TNIK: variants seen among roughly 807,000 people sequenced by gnomAD.
The protein encoded by TNIK is TRAF2 and NCK interacting kinase.
A neutral mutation model predicts 191.3 loss-of-function variants in TNIK; 49 were observed. That is an observed-to-expected ratio of 0.26 (90% confidence interval 0.20 to 0.32). TNIK has a LOEUF of 0.32. TNIK is among the 10% of genes least tolerant of loss of function. The probability of loss-of-function intolerance (pLI) is 1.00; values close to 1 mark genes in which losing one functional copy is unlikely to be tolerated. For synonymous variants in TNIK, 594 were observed against 600.9 expected, an observed-to-expected ratio of 0.99 and a Z score of 0.17; for missense variants, 1,155 against 1,702.3, an observed-to-expected ratio of 0.68 and a Z score of 5.66.
intron 1 of TNIK, among the ~76,000 whole-genome samples, chr3:171,402,813 T>A (rs184328884): frequency 6.6e-6 from 1 of 152,340 alleles, no homozygotes; most frequent in East Asian, 1.9e-4. Context: ...TCAAATAAAT[T>A]AATGTTCCCA....
intron 12 of TNIK, among the ~76,000 whole-genome samples, chr3:171,143,221 C>T (rs1448006648): frequency 6.6e-6 from 1 of 152,198 alleles, no homozygotes; most frequent in Non-Finnish European, 1.5e-5. Context: ...TCTGAGGGCA[C>T]CCTGCCAATT....
chr3:171,175,190 C>G, intron 9 of TNIK, 62 bp downstream of exon 9: 1 of 1,510,350 alleles, frequency 6.6e-7, no homozygotes, highest in Non-Finnish European at 9.1e-7. Flanking sequence ...AGAGCTAATC[C>G]AAAATAGAAT....
At chr3:171,232,386 C>A (rs1423322207) in intron 2 of TNIK, among the ~76,000 whole-genome samples, 1 of 150,296 alleles carries the variant, frequency 6.7e-6, no homozygotes, top group Non-Finnish European at 1.5e-5. Flanking sequence ...AAATTAAATT[C>A]TGAAAAGAAA....
At chr3:171,094,019 T>C in intron 22 of TNIK, 51 bp from the exon 23 acceptor site, 3 of 1,589,244 alleles carry the variant, frequency 1.9e-6, no homozygotes, top group Non-Finnish European at 1.7e-6. Context: ...AGGAAATATC[T>C]GTTTCCTGTC....
At chr3:171,190,588 G>T in intron 6 of TNIK, 109 bp downstream of exon 6, 3 of 787,016 alleles carry the variant, frequency 3.8e-6, no homozygotes, top group South Asian at 2.3e-5. Context: ...CATTTTTAGG[G>T]CAATGCTCTC....
intron 1 of TNIK, among the ~76,000 whole-genome samples, chr3:171,414,667 C>T (rs1722829976): frequency 1.3e-5 from 2 of 152,174 alleles, no homozygotes; most frequent in Non-Finnish European, 2.9e-5. Flanking sequence ...CTTCAGTGTT[C>T]ATTTTATGGC....
intron 27 of TNIK, among the ~76,000 whole-genome samples, chr3:171,080,263 T>C (rs1720500729): frequency 1.3e-5 from 2 of 152,322 alleles, no homozygotes; most frequent in South Asian, 2.1e-4. Flanking sequence ...TTAGACAATA[T>C]TGAAGAGTAC....
chr3:171,074,627 C>A (rs548263785), intron 28 of TNIK, among the ~76,000 whole-genome samples: 110 of 152,086 alleles, frequency 7.2e-4, no homozygotes, highest in Admixed American at 1.1e-3. Flanking sequence ...AAAATAAAAA[C>A]TTATCTAAGC....
chr3:171,159,356 G>C lies in TNIK; in HGVS notation c.1017-1692C>G, dbSNP rs1733668498. ...ATGAGGAATGCTGAGGGAGGAGCAA[G>C]TTTCGTGGCAGTTAACAAGAGGACC... On this transcript the variant is annotated intron_variant, in intron 11 of 32. Transcript: ENST00000436636. The surrounding 1 kb of genome is among the most constrained non-coding windows in gnomAD (Gnocchi z 4.1). Among the ~76,000 whole-genome samples, 1 of 152,004 alleles carries C rather than the reference G, an allele frequency of 6.6e-6. No individual in the cohort carries two copies. The highest frequency in any genetic ancestry group is 1.5e-5 in the Non-Finnish European group (1 of 68,002).
chr3:171,225,189 C>T (rs12630500), intron 3 of TNIK, among the ~76,000 whole-genome samples: 46,015 of 152,026 alleles, frequency 0.3, 7,128 homozygotes, highest in Middle Eastern at 0.43. Flanking sequence ...TTCTGTAATA[C>T]ACAATAGACA....
chr3:171,358,391 T>C (rs2011717), intron 2 of TNIK, among the ~76,000 whole-genome samples: 114,914 of 152,104 alleles, frequency 0.76, 44,412 homozygotes, highest in East Asian at 0.98. Context: ...CAGACAAGAA[T>C]GCTTGTGTAG....
At chr3:171,126,584 G>C (rs942446990) in intron 16 of TNIK, among the ~76,000 whole-genome samples, 16 of 152,278 alleles carry the variant, frequency 1.1e-4, no homozygotes, top group Admixed American at 9.8e-4. Context: ...AACTCACTGA[G>C]TCCATCCTGA....
At chr3:171,426,961 C>T (rs932217296) in intron 1 of TNIK, among the ~76,000 whole-genome samples, 3 of 152,124 alleles carry the variant, frequency 2.0e-5, no homozygotes, top group Non-Finnish European at 4.4e-5. Context: ...GTAAGATCGT[C>T]CAAGATAAGT....
At chr3:171,112,803 T>C (rs1166412916) in intron 18 of TNIK, among the ~76,000 whole-genome samples, 4 of 152,196 alleles carry the variant, frequency 2.6e-5, no homozygotes, top group African/African-American at 9.7e-5. Context: ...TCATTAATTG[T>C]CTATTATATA....
chr3:171,422,872 C>A (rs1042220640), intron 1 of TNIK, among the ~76,000 whole-genome samples: 1 of 152,230 alleles, frequency 6.6e-6, no homozygotes, highest in Admixed American at 6.5e-5. Context: ...GGATCTTCAT[C>A]TGCACAAATG....
chr3:171,358,356 G>A (rs979131444), intron 2 of TNIK, among the ~76,000 whole-genome samples: 2 of 152,144 alleles, frequency 1.3e-5, no homozygotes, highest in Non-Finnish European at 2.9e-5. Context: ...AGTGAATGAG[G>A]AGCGAAGTCA....
At chr3:171,139,609 G>A (rs1275373586) in intron 13 of TNIK, 53 bp from the exon 14 acceptor site, 79 of 1,581,954 alleles carry the variant, frequency 5.0e-5, no homozygotes, top group Non-Finnish European at 6.5e-5. Context: ...AGAGAGAAAT[G>A]AACCAGTAAT....
chr3:171,317,678 C>T (rs937893823), intron 2 of TNIK, among the ~76,000 whole-genome samples: 16 of 152,072 alleles, frequency 1.1e-4, no homozygotes, highest in African/African-American at 3.9e-4. Flanking sequence ...CCTTACGAAC[C>T]CTATAAGTTA....
At chr3:171,182,579 T>C (rs1178449075) in intron 7 of TNIK, among the ~76,000 whole-genome samples, 2 of 152,114 alleles carry the variant, frequency 1.3e-5, no homozygotes, top group Non-Finnish European at 2.9e-5. Context: ...CCTAGCGCTA[T>C]GTGCATTACA....
Sources: gnomAD v4.1 joint callset for allele counts (sites outside exome capture counted in the v4.1 genomes callset) on GRCh38, gnomAD v4.1.1 for gene constraint, Gnocchi (gnomAD v3.1) non-coding constraint, MANE v1.5 for transcripts, NCBI Gene and HGNC (gene_info 2026-07-23, HGNC 2026-07-21) for gene names.